ACSL1: variants seen among roughly 807,000 people sequenced by gnomAD.
ACSL1 encodes the protein long-chain-fatty-acid--CoA ligase 1.
Under a neutral mutation model 98.4 loss-of-function variants are expected in ACSL1, and 41 were observed. That is an observed-to-expected ratio of 0.42 (90% CI 0.32 to 0.54). ACSL1 has a LOEUF of 0.54. Ranked by LOEUF, ACSL1 falls within the 20% of genes least tolerant of loss-of-function variation. ACSL1 has a pLI of 0.13. For missense variants in ACSL1, 734 were observed against 883.1 expected (o/e 0.83, Z 2.14); for synonymous variants, 316 against 322.7 (o/e 0.98, Z 0.22).
intron 3 of ACSL1, among the ~76,000 whole-genome samples, chr4:184,786,346 TAC>T (rs1467886314): frequency 2.0e-5 from 3 of 151,880 alleles, no homozygotes; most frequent in Admixed American, 2.0e-4. Context: ...GTTTTCAAGT[TAC>T]AGTTTCCAAG....
At chr4:184,767,584 G>C (rs529968997) in intron 12 of ACSL1, among the ~76,000 whole-genome samples, 15 of 152,262 alleles carry the variant, frequency 9.9e-5, no homozygotes, top group African/African-American at 3.4e-4. Flanking sequence ...GATGGCTGGA[G>C]AACTGTGAAA....
At chr4:184,810,637 C>T (rs1019067802) in intron 1 of ACSL1, among the ~76,000 whole-genome samples, 1 of 152,138 alleles carries the variant, frequency 6.6e-6, no homozygotes, top group Admixed American at 6.5e-5. Flanking sequence ...GCCCCAGGGA[C>T]AGAGACAAGG....
At chr4:184,797,229 A>G (rs1245974825) in intron 2 of ACSL1, among the ~76,000 whole-genome samples, 1 of 152,212 alleles carries the variant, frequency 6.6e-6, no homozygotes, top group African/African-American at 2.4e-5. Context: ...TTCCACTGGC[A>G]TGATCCCTAT....
chr4:184,762,956 A>G (rs147813321), intron 16 of ACSL1, among the ~76,000 whole-genome samples: 110 of 152,340 alleles, frequency 7.2e-4, no homozygotes, highest in African/African-American at 2.5e-3. Flanking sequence ...GAGGCCTGGC[A>G]GAGGAAGACA....
At chr4:184,814,788 C>T (rs537860166) in intron 1 of ACSL1, among the ~76,000 whole-genome samples, 28 of 152,292 alleles carry the variant, frequency 1.8e-4, no homozygotes, top group Admixed American at 1.8e-3. Flanking sequence ...ATAAACCCCT[C>T]CTGGAAAATA....
intron 2 of ACSL1, among the ~76,000 whole-genome samples, chr4:184,792,195 T>C (rs13144160): frequency 0.27 from 41,482 of 152,080 alleles, 7,177 homozygotes; most frequent in Non-Finnish European, 0.39. Context: ...ATTATTACCC[T>C]AATTAGCAAT....
At chr4:184,794,388 T>A (rs1300129077) in intron 2 of ACSL1, among the ~76,000 whole-genome samples, 1 of 152,198 alleles carries the variant, frequency 6.6e-6, no homozygotes, top group South Asian at 2.1e-4. Context: ...AATTCCCAGA[T>A]TCCCCCCAAT....
chr4:184,783,008 T>G (rs1343414231), intron 4 of ACSL1, among the ~76,000 whole-genome samples: 1 of 152,076 alleles, frequency 6.6e-6, no homozygotes, highest in Non-Finnish European at 1.5e-5. Context: ...TGAATCCGCA[T>G]GATTACCTGC....
intron 17 of ACSL1, 72 bp from the exon 18 acceptor site, chr4:184,760,572 A>G (rs1258694738): frequency 6.3e-7 from 1 of 1,577,142 alleles, no homozygotes; most frequent in African/African-American, 1.4e-5. Flanking sequence ...TCCCAGTACA[A>G]CACTGAAAGG....
At chr4:184,797,206 C>T (rs1769563528) in intron 2 of ACSL1, among the ~76,000 whole-genome samples, 1 of 152,210 alleles carries the variant, frequency 6.6e-6, no homozygotes. Context: ...GGGTGTCTCG[C>T]CGCCCTTAGC....
chr4:184,788,060 T>C (rs979807288), intron 3 of ACSL1, among the ~76,000 whole-genome samples: 2 of 152,072 alleles, frequency 1.3e-5, no homozygotes, highest in Non-Finnish European at 2.9e-5. Flanking sequence ...GAGGTAGTCG[T>C]GGCTCTGCAG....
chr4:184,757,573 T>TA lies in ACSL1; in HGVS notation c.1956+61dup. The TA allele has an allele frequency of 2.0e-6, 3 of 1,494,324 alleles. No homozygotes were observed. Among genetic ancestry groups the TA allele is most frequent in the Admixed American group, 1.9e-5 (1 of 53,510 alleles). 92.6% of individuals were successfully genotyped at this position (1,494,324 alleles called of 1,614,324 possible). A position where few individuals can be genotyped will look rare whatever the true frequency, so the allele number is the denominator to read the frequency against. ...CCCATATGTTTATATAATCTACCTG[T>TA]AAAAAAATCTTAATGGAAAATTTGT... is the stretch of plus-strand genomic sequence containing the variant. On this transcript the variant is annotated intron_variant, in intron 20 of 20. Transcript: ENST00000281455. This position sits in a 1 kb window ranked among gnomAD's most constrained non-coding sequence, Gnocchi z 4.5.
chr4:184,787,176 G>A (rs1767530410), intron 3 of ACSL1, among the ~76,000 whole-genome samples: 1 of 152,158 alleles, frequency 6.6e-6, no homozygotes, highest in South Asian at 2.1e-4. Flanking sequence ...CAAGTACCTG[G>A]TATAAGCAAA....
chr4:184,822,564 G>A lies in ACSL1; in HGVS notation c.-33+3352C>T, dbSNP rs191202253. On this transcript the variant is annotated intron_variant, in intron 1 of 20. Transcript: ENST00000281455. ...GACAACTGGGCAATATGGCAAAACC[G>A]CTTCACTACGAAAAAAATACAAAAA... Among the ~76,000 whole-genome samples the A allele has an allele frequency of 1.1e-3, 174 of 152,004 alleles. 3 individuals carry two copies. Among genetic ancestry groups the A allele is most frequent in the African/African-American group, 3.7e-3 (155 of 41,440 alleles).
At chr4:184,796,369 A>C (rs926076008) in intron 2 of ACSL1, among the ~76,000 whole-genome samples, 4 of 152,142 alleles carry the variant, frequency 2.6e-5, no homozygotes, top group African/African-American at 9.7e-5. Context: ...CTGTCCCTCT[A>C]GAGAACCCTG....
intron 1 of ACSL1, among the ~76,000 whole-genome samples, chr4:184,812,780 A>T (rs1054582103): frequency 6.6e-6 from 1 of 152,160 alleles, no homozygotes; most frequent in Admixed American, 6.6e-5. Flanking sequence ...TTCTTAAGTA[A>T]AACAGCAAAT....
At chr4:184,811,242 G>A (rs187165705) in intron 1 of ACSL1, among the ~76,000 whole-genome samples, 1 of 152,186 alleles carries the variant, frequency 6.6e-6, no homozygotes, top group African/African-American at 2.4e-5. Flanking sequence ...CGGAGTAGCT[G>A]GAACTTCAGG....
At chr4:184,776,861 C>T (rs1765370155) in intron 6 of ACSL1, 23 bp downstream of exon 6, 2 of 1,605,966 alleles carry the variant, frequency 1.2e-6, no homozygotes, top group Non-Finnish European at 1.7e-6. Flanking sequence ...TGCCAATAAT[C>T]CAGGCAAAGA....
At chr4:184,794,771 G>A (rs752049198) in intron 2 of ACSL1, among the ~76,000 whole-genome samples, 1 of 152,210 alleles carries the variant, frequency 6.6e-6, no homozygotes, top group Admixed American at 6.5e-5. Context: ...TGTGTGTGGA[G>A]ACATCCTTCA....
Sources: allele counts gnomAD v4.1 joint callset (sites outside exome capture counted in the v4.1 genomes callset), GRCh38; gene constraint gnomAD v4.1.1; non-coding constraint Gnocchi (gnomAD v3.1); transcripts MANE v1.5; gene names NCBI Gene and HGNC (gene_info 2026-07-23, HGNC 2026-07-21).